KLHDC4: variants seen among roughly 807,000 people sequenced by gnomAD.
The protein encoded by KLHDC4 is kelch domain-containing protein 4.
In KLHDC4, 90 loss-of-function variants were observed where a neutral mutation model predicts 62.4. That is an observed-to-expected ratio of 1.44 (90% CI 1.22 to 1.72). The LOEUF is 1.72. Ranked by LOEUF, KLHDC4 falls within the 40% of genes most tolerant of loss-of-function variation. The pLI, the probability that KLHDC4 is intolerant of heterozygous loss-of-function variation, is 0.00. For synonymous variants in KLHDC4, 386 were observed against 284.4 expected, an observed-to-expected ratio of 1.36 and a Z score of -3.59; for missense variants, 1,025 against 699.7, an observed-to-expected ratio of 1.47 and a Z score of -5.25.
At chr16:87,728,408 A>G (rs2039755372) in intron 6 of KLHDC4, among the ~76,000 whole-genome samples, 1 of 152,248 alleles carries the variant, frequency 6.6e-6, no homozygotes, top group Non-Finnish European at 1.5e-5. Context: ...TAAATACAGA[A>G]TATTTTCTCT....
At chr16:87,754,948 G>A (rs1015012789) in intron 4 of KLHDC4, among the ~76,000 whole-genome samples, 8 of 152,146 alleles carry the variant, frequency 5.3e-5, no homozygotes, top group African/African-American at 1.4e-4. Context: ...CACCAGGAAC[G>A]ACACGAGCTA....
intron 7 of KLHDC4, among the ~76,000 whole-genome samples, chr16:87,715,051 A>T (rs1376720651): frequency 1.3e-5 from 2 of 152,092 alleles, no homozygotes; most frequent in African/African-American, 4.8e-5. Flanking sequence ...AACGCGCTCC[A>T]TGTCCCTTAG....
chr16:87,730,461 G>A (rs929139975), intron 6 of KLHDC4, 91 bp downstream of exon 6: 35 of 1,079,656 alleles, frequency 3.2e-5, no homozygotes, highest in Non-Finnish European at 3.9e-5. Flanking sequence ...GGATGGGTGC[G>A]TCTTTCTTGT....
At chr16:87,724,740 G>A (rs796348423) in intron 7 of KLHDC4, among the ~76,000 whole-genome samples, 18 of 152,276 alleles carry the variant, frequency 1.2e-4, no homozygotes, top group African/African-American at 3.1e-4. Flanking sequence ...AAGTGGAACC[G>A]GCCACTGCTT....
intron 6 of KLHDC4, 94 bp downstream of exon 6, chr16:87,730,458 T>C (rs2040147789): frequency 5.8e-6 from 6 of 1,036,050 alleles, no homozygotes; most frequent in Non-Finnish European, 8.5e-6. Context: ...GGAGGATGGG[T>C]GCGTCTTTCT....
intron 7 of KLHDC4, among the ~76,000 whole-genome samples, chr16:87,717,834 C>G (rs2037312563): frequency 6.6e-6 from 1 of 152,298 alleles, no homozygotes; most frequent in Middle Eastern, 3.4e-3. Flanking sequence ...TTGTAGTACC[C>G]TGCACCTGTC....
At chr16:87,700,935 G>C (rs1043364949) in exon 1 of KLHDC4, 25 of 251,718 alleles carry the variant, frequency 9.9e-5, no homozygotes, top group Non-Finnish European at 2.0e-4. Flanking sequence ...CACCTGGTTG[G>C]CTTCTCTCGC....
intron 7 of KLHDC4, among the ~76,000 whole-genome samples, chr16:87,725,591 T>G (rs72812203): frequency 0.28 from 43,013 of 152,074 alleles, 7,420 homozygotes; most frequent in Non-Finnish European, 0.4. Context: ...ACCCCTACAG[T>G]GAGATACTAC....
chr16:87,709,153 G>A (rs2035263984), intron 10 of KLHDC4, 112 bp downstream of exon 10: 4 of 1,350,150 alleles, frequency 3.0e-6, no homozygotes, highest in Admixed American at 2.0e-5. Flanking sequence ...CAGGCGAGAA[G>A]TGTCGGCACA....
chr16:87,735,421 G>A (rs1597619268), intron 5 of KLHDC4, among the ~76,000 whole-genome samples: 1 of 152,084 alleles, frequency 6.6e-6, no homozygotes, highest in African/African-American at 2.4e-5. Context: ...AGGGAACACA[G>A]GCCTGGGGCC....
exon 1 of KLHDC4, chr16:87,698,841 C>A (rs900762370): frequency 6.6e-6 from 1 of 152,284 alleles, no homozygotes; most frequent in Non-Finnish European, 1.5e-5. Flanking sequence ...TCGGGCAGGG[C>A]AGGACAGCAT....
chr16:87,714,699 G>C (rs1597415552), intron 7 of KLHDC4, 126 bp from the exon 8 acceptor site: 3 of 969,900 alleles, frequency 3.1e-6, no homozygotes, highest in East Asian at 4.8e-5. Flanking sequence ...CAGCCCCAAA[G>C]CTCCAAAGCG....
At chr16:87,762,388 C>G (rs189757885) in intron 1 of KLHDC4, among the ~76,000 whole-genome samples, 77 of 152,214 alleles carry the variant, frequency 5.1e-4, no homozygotes, top group African/African-American at 1.8e-3. Flanking sequence ...CACCTGCCAG[C>G]CTTCCTGTCT....
chr16:87,755,493 G>T (rs2044732724), intron 3 of KLHDC4: 1 of 455,876 alleles, frequency 2.2e-6, no homozygotes, highest in East Asian at 4.3e-5. Flanking sequence ...CGCCCACCAG[G>T]CCCATCAATC....
At chr16:87,713,637 G>A (rs933366811) in intron 8 of KLHDC4, among the ~76,000 whole-genome samples, 10 of 152,032 alleles carry the variant, frequency 6.6e-5, no homozygotes, top group African/African-American at 2.2e-4. Flanking sequence ...GGCAGCCACT[G>A]GCAGGAAACG....
At chr16:87,760,854 A>G (rs1439822061) in intron 2 of KLHDC4, among the ~76,000 whole-genome samples, 1 of 151,960 alleles carries the variant, frequency 6.6e-6, no homozygotes, top group South Asian at 2.1e-4. Flanking sequence ...CCAACATGGC[A>G]AAACCCCATC....
intron 5 of KLHDC4, among the ~76,000 whole-genome samples, chr16:87,737,279 C>T (rs372504019): frequency 8.6e-5 from 13 of 151,708 alleles, no homozygotes; most frequent in African/African-American, 3.1e-4. Context: ...CTGAAATAAA[C>T]CTATGGCTCA....
At chr16:87,704,760 A>C (rs759299380), downstream of KLHDC4, among the ~76,000 whole-genome samples, 30 of 152,056 alleles carry the variant, frequency 2.0e-4, no homozygotes, top group Non-Finnish European at 3.7e-4. Context: ...GCTCTCATCT[A>C]AACACAAACA....
intron 7 of KLHDC4, among the ~76,000 whole-genome samples, chr16:87,718,349 TC>T (rs1451330644): frequency 0.021 from 587 of 28,004 alleles, 22 homozygotes; most frequent in African/African-American, 0.077. Flanking sequence ...CTCCTCCCCC[TC>T]CCCCTCCCTC....
Sources: allele counts gnomAD v4.1 joint callset (sites outside exome capture counted in the v4.1 genomes callset), GRCh38; gene constraint gnomAD v4.1.1; transcripts MANE v1.5; gene names NCBI Gene and HGNC (gene_info 2026-07-23, HGNC 2026-07-21).